Variants in HHAT observed in about 807,000 individuals in gnomAD.
The protein encoded by HHAT is hedgehog acyltransferase, also known as protein-cysteine N-palmitoyltransferase HHAT.
A neutral mutation model predicts 70.8 loss-of-function variants in HHAT; 47 were observed. That is an observed-to-expected ratio of 0.66 (90% CI 0.53 to 0.85). HHAT has a LOEUF of 0.85. Among genes scored for constraint, HHAT ranks in the 40% least tolerant of loss-of-function variants. The pLI, the probability that HHAT is intolerant of heterozygous loss-of-function variation, is 0.00. For synonymous variants in HHAT, 228 were observed against 247.6 expected, an observed-to-expected ratio of 0.92 and a Z score of 0.74; for missense variants, 609 against 604.8, an observed-to-expected ratio of 1.01 and a Z score of -0.07.
intron 9 of HHAT, among the ~76,000 whole-genome samples, chr1:210,565,228 C>T (rs964543833): frequency 2.6e-5 from 4 of 152,048 alleles, no homozygotes; most frequent in African/African-American, 2.4e-5. Context: ...GTATATGGTT[C>T]GGGAAGGAGA....
At chr1:210,510,313 G>T (rs1216435067) in intron 8 of HHAT, among the ~76,000 whole-genome samples, 1 of 152,156 alleles carries the variant, frequency 6.6e-6, no homozygotes, top group Non-Finnish European at 1.5e-5. Context: ...GGAGGCCATG[G>T]CTAGGTTGAA....
intron 6 of HHAT, among the ~76,000 whole-genome samples, chr1:210,408,953 C>T (rs1480642292): frequency 6.6e-6 from 1 of 152,146 alleles, no homozygotes; most frequent in African/African-American, 2.4e-5. Context: ...CTTTGGCCTC[C>T]CGAGCTCAAG....
At chr1:210,629,549 G>T (rs1392771768) in intron 11 of HHAT, among the ~76,000 whole-genome samples, 3 of 152,204 alleles carry the variant, frequency 2.0e-5, no homozygotes, top group African/African-American at 7.2e-5. Context: ...AACAACACAA[G>T]TTTATTTTTC....
chr1:210,647,057 C>T (rs985058524), intron 11 of HHAT, among the ~76,000 whole-genome samples: 18 of 152,304 alleles, frequency 1.2e-4, no homozygotes, highest in African/African-American at 4.1e-4. Context: ...GTTTAGGTAA[C>T]AGAAATTTAT....
intron 7 of HHAT, among the ~76,000 whole-genome samples, chr1:210,430,471 G>T (rs1265250546): frequency 6.6e-6 from 1 of 151,848 alleles, no homozygotes; most frequent in East Asian, 1.9e-4. Context: ...TTCATACTGA[G>T]ATTTTAAATT....
intron 9 of HHAT, among the ~76,000 whole-genome samples, chr1:210,561,707 A>G (rs1455360414): frequency 6.6e-6 from 1 of 152,214 alleles, no homozygotes; most frequent in East Asian, 1.9e-4. Context: ...TGATGTTTTG[A>G]TATATGTACA....
intron 9 of HHAT, among the ~76,000 whole-genome samples, chr1:210,520,219 G>C (rs1181717499): frequency 6.6e-6 from 1 of 152,008 alleles, no homozygotes; most frequent in Non-Finnish European, 1.5e-5. Flanking sequence ...GTTTCACTGT[G>C]TTGGCCAGGC....
chr1:210,346,719 C>T (rs2086556344), intron 1 of HHAT, among the ~76,000 whole-genome samples: 1 of 152,172 alleles, frequency 6.6e-6, no homozygotes, highest in South Asian at 2.1e-4. Flanking sequence ...ATTTCCCTTC[C>T]TGCTCTGTCT....
intron 8 of HHAT, among the ~76,000 whole-genome samples, chr1:210,499,439 C>T (rs1343046091): frequency 6.6e-6 from 1 of 152,168 alleles, no homozygotes; most frequent in African/African-American, 2.4e-5. Flanking sequence ...GAATTCAAGA[C>T]CAGCCTGGCC....
At chr1:210,338,168 G>A (rs1430616202) in intron 1 of HHAT, among the ~76,000 whole-genome samples, 2 of 132,790 alleles carry the variant, frequency 1.5e-5, no homozygotes, top group Non-Finnish European at 3.2e-5. Context: ...GCAACATAGT[G>A]AGACCCGCCC....
At chr1:210,671,187 A>G (rs1327397013) in intron 11 of HHAT, among the ~76,000 whole-genome samples, 12 of 152,164 alleles carry the variant, frequency 7.9e-5, no homozygotes, top group Admixed American at 7.9e-4. Context: ...CCATTGGCCC[A>G]TCTTCACAGC....
At chr1:210,663,404 G>C (rs896999190) in intron 11 of HHAT, among the ~76,000 whole-genome samples, 6 of 152,202 alleles carry the variant, frequency 3.9e-5, no homozygotes, top group African/African-American at 1.4e-4. Context: ...GCAAGCTGCT[G>C]CTGTCTGAGC....
At chr1:210,441,334 C>G (rs1285002456) in intron 7 of HHAT, among the ~76,000 whole-genome samples, 2 of 152,166 alleles carry the variant, frequency 1.3e-5, no homozygotes, top group African/African-American at 4.8e-5. Context: ...AAATCTGAAG[C>G]CTGCTGGGCC....
intron 11 of HHAT, among the ~76,000 whole-genome samples, chr1:210,661,995 T>A (rs1000323224): frequency 1.1e-4 from 16 of 151,402 alleles, no homozygotes; most frequent in African/African-American, 3.9e-4. Context: ...TAAAAAAATT[T>A]AAAAAATTAA....
At chr1:210,650,981 A>G (rs1181916391) in intron 11 of HHAT, among the ~76,000 whole-genome samples, 3 of 152,230 alleles carry the variant, frequency 2.0e-5, no homozygotes, top group African/African-American at 7.2e-5. Flanking sequence ...TTTTAAATAT[A>G]TTGGAAAGCT....
chr1:210,348,774 T>C (rs1432288830), intron 1 of HHAT, among the ~76,000 whole-genome samples, 159 bp from the exon 2 acceptor site: 9 of 136,918 alleles, frequency 6.6e-5, no homozygotes, highest in Non-Finnish European at 1.1e-4. Flanking sequence ...GGATGCAGGA[T>C]GGAGTAAGTT....
chr1:210,434,877 A>G (rs2093338943), intron 7 of HHAT, among the ~76,000 whole-genome samples: 1 of 151,904 alleles, frequency 6.6e-6, no homozygotes, highest in Non-Finnish European at 1.5e-5. Flanking sequence ...TGTAAAACTG[A>G]TATATGATGT....
intron 4 of HHAT, among the ~76,000 whole-genome samples, chr1:210,395,108 C>G (rs138512654): frequency 6.6e-6 from 1 of 151,936 alleles, no homozygotes; most frequent in Non-Finnish European, 1.5e-5. Flanking sequence ...TATTATTTTC[C>G]GAATAATGCT....
chr1:210,567,274 A>G (rs777604601), intron 9 of HHAT, among the ~76,000 whole-genome samples: 11 of 152,340 alleles, frequency 7.2e-5, no homozygotes, highest in Admixed American at 2.0e-4. Context: ...GAGAACGTGC[A>G]TCACTGTAAT....
Sources: gnomAD v4.1 joint callset for allele counts (sites outside exome capture counted in the v4.1 genomes callset) on GRCh38, gnomAD v4.1.1 for gene constraint, MANE v1.5 for transcripts, NCBI Gene and HGNC (gene_info 2026-07-23, HGNC 2026-07-21) for gene names.